The following SOD2 variants were observed in gnomAD, a reference collection of about 807,000 sequenced individuals.
SOD2 encodes superoxide dismutase [Mn], mitochondrial.
Under a neutral mutation model 27.0 loss-of-function variants are expected in SOD2, and 11 were observed. That is an observed-to-expected ratio of 0.41 (90% confidence interval 0.26 to 0.67). The LOEUF (loss-of-function observed/expected upper bound fraction) is 0.67. SOD2 is among the 30% of genes least tolerant of loss of function. The pLI is 0.34. For synonymous variants in SOD2, 105 were observed against 103.0 expected (o/e 1.02, Z -0.12); for missense variants, 250 against 274.5 (o/e 0.91, Z 0.63).
At chr6:159,748,507 TC>T, upstream of SOD2, 1 of 1,450,208 alleles carries the variant, frequency 6.9e-7, no homozygotes, top group Non-Finnish European at 9.1e-7. The surrounding 1 kb of genome is among the most constrained non-coding windows in gnomAD (Gnocchi z 5.6). Flanking sequence ...TCTTACACTG[TC>T]CAGCTTGTAA....
chr6:159,709,456 G>A (rs1042299376), intron 1 of SOD2, among the ~76,000 whole-genome samples: 13 of 152,230 alleles, frequency 8.5e-5, no homozygotes, highest in South Asian at 2.1e-4. Context: ...AGTGGGCAAC[G>A]GATATGAACA....
intron 1 of SOD2, among the ~76,000 whole-genome samples, chr6:159,724,975 G>GAAAAA (rs1778119403): frequency 6.6e-6 from 1 of 151,910 alleles, no homozygotes; most frequent in African/African-American, 2.4e-5. Flanking sequence ...GAAAAAGAAA[G>GAAAAA]GAAAGGGAAG....
upstream of SOD2, among the ~76,000 whole-genome samples, chr6:159,731,694 C>T (rs1442176158): frequency 6.6e-6 from 1 of 152,096 alleles, no homozygotes; most frequent in East Asian, 1.9e-4. Context: ...TGCCAGTTAC[C>T]ATGCTAAAGA....
At chr6:159,712,340 A>C (rs1280704350) in intron 1 of SOD2, among the ~76,000 whole-genome samples, 2 of 127,800 alleles carry the variant, frequency 1.6e-5, no homozygotes, top group Non-Finnish European at 3.3e-5. Context: ...CACCCTAACC[A>C]CCTCCATAAC....
intron 1 of SOD2, among the ~76,000 whole-genome samples, chr6:159,710,953 C>T (rs559589362): frequency 1.8e-3 from 193 of 107,124 alleles, no homozygotes; most frequent in African/African-American, 2.1e-3. Flanking sequence ...ACCACTCACA[C>T]TGCTCTGACC....
intron 1 of SOD2, among the ~76,000 whole-genome samples, chr6:159,717,897 A>ATG (rs66742481): frequency 0.043 from 6,485 of 149,516 alleles, 211 homozygotes; most frequent in African/African-American, 0.088. Context: ...ATGTATGGAT[A>ATG]TGTGTGTGTG....
intron 2 of SOD2, 98 bp downstream of exon 2, chr6:159,692,563 C>T: frequency 6.4e-7 from 1 of 1,559,462 alleles, no homozygotes; most frequent in South Asian, 1.2e-5. Flanking sequence ...AAATACGAAG[C>T]GAGTTCTCCT....
chr6:159,710,476 A>T (rs1229466051), intron 1 of SOD2, among the ~76,000 whole-genome samples: 1 of 152,038 alleles, frequency 6.6e-6, no homozygotes, highest in African/African-American at 2.4e-5. Context: ...AAGACGACAG[A>T]GAAGCTGACC....
intron 1 of SOD2, chr6:159,712,989 G>T: frequency 1.6e-6 from 1 of 628,560 alleles, no homozygotes; most frequent in South Asian, 2.1e-5. Context: ...GCATCTTCGT[G>T]AGCAGCAAAC....
intron 1 of SOD2, among the ~76,000 whole-genome samples, chr6:159,716,785 A>G (rs1054484326): frequency 6.6e-6 from 1 of 152,228 alleles, no homozygotes; most frequent in Admixed American, 6.5e-5. Flanking sequence ...TACTTTTCAC[A>G]CACACACAAA....
intron 1 of SOD2, among the ~76,000 whole-genome samples, chr6:159,734,097 C>T (rs768313225): frequency 6.6e-6 from 1 of 152,130 alleles, no homozygotes; most frequent in African/African-American, 2.4e-5. Flanking sequence ...TAGTATAAAA[C>T]ATGCTGTTGG....
chr6:159,746,462 A>G (rs142068671), upstream of SOD2, among the ~76,000 whole-genome samples: 7 of 152,154 alleles, frequency 4.6e-5, no homozygotes, highest in Admixed American at 4.6e-4. Flanking sequence ...TAAAATATAC[A>G]TCCTTAGGAA....
chr6:159,685,588 C>T (rs565538889), intron 3 of SOD2, among the ~76,000 whole-genome samples: 139 of 152,074 alleles, frequency 9.1e-4, no homozygotes, highest in Non-Finnish European at 1.6e-3. Flanking sequence ...GTTTGTTACA[C>T]GGGTATCATA....
chr6:159,713,551 C>T, intron 1 of SOD2: 3 of 740,866 alleles, frequency 4.0e-6, no homozygotes, highest in Admixed American at 2.1e-5. Flanking sequence ...TGTGCTTCTG[C>T]CCTGAAAGTC....
chr6:159,676,724 C>T lies in SOD2; in HGVS notation c.*5769G>A, dbSNP rs1186861666. 1 of 152,004 alleles carries T rather than the reference C, an allele frequency of 6.6e-6. No homozygotes were observed. The highest frequency in any genetic ancestry group is 1.5e-5 in the Non-Finnish European group (1 of 68,014). 9.4% of individuals were successfully genotyped at this position (152,004 alleles called of 1,614,324 possible). ...CAAACCTGCATGTTGTACACATGTA[C>T]CCTAGAACTTAAAGTATAATTTAAA... On this transcript the variant is annotated 3_prime_UTR_variant, in exon 5 of 5. Coordinates refer to ENST00000538183, the MANE Select transcript of SOD2 (RefSeq NM_000636.4).
chr6:159,713,454 A>C, intron 1 of SOD2: 1 of 651,898 alleles, frequency 1.5e-6, no homozygotes, highest in East Asian at 2.6e-5. Flanking sequence ...AGAAGATTTC[A>C]ATGTACCTGT....
At chr6:159,736,160 T>G in intron 1 of SOD2, 2 of 1,157,492 alleles carry the variant, frequency 1.7e-6, no homozygotes, top group Admixed American at 2.2e-5. Context: ...AGTAATTTAG[T>G]TCACTAATAA....
At chr6:159,743,197 A>G (rs1221406265) in intron 1 of SOD2, among the ~76,000 whole-genome samples, 1 of 152,134 alleles carries the variant, frequency 6.6e-6, no homozygotes, top group Admixed American at 6.5e-5. Context: ...ACAGACATGC[A>G]TCACCACGAC....
Position 159,739,201 on chromosome 6 carries a change from T to C in SOD2, c.-116+5929A>G, listed in dbSNP as rs570611103. On this transcript the variant is annotated intron_variant, in intron 1 of 3. Transcript: ENST00000537657. ...TGAGCATACTATGACCTATTTCTTATATTAACACCGAGGAAAACGTAACAC... is the reference window on the plus strand; with the variant it reads ...TGAGCATACTATGACCTATTTCTTACATTAACACCGAGGAAAACGTAACAC... 6.2e-4 allele frequency among the ~76,000 whole-genome samples: 94 copies of C among 152,348 alleles called. 1 individual carries two copies. The highest frequency in any genetic ancestry group is 8.7e-4 in the Non-Finnish European group (59 of 68,014).
Sources: gnomAD v4.1 joint callset for allele counts (sites outside exome capture counted in the v4.1 genomes callset) on GRCh38, gnomAD v4.1.1 for gene constraint, Gnocchi (gnomAD v3.1) non-coding constraint, MANE v1.5 for transcripts, NCBI Gene and HGNC (gene_info 2026-07-23, HGNC 2026-07-21) for gene names.